TRIM10: variants seen among roughly 807,000 people sequenced by gnomAD.
TRIM10 encodes tripartite motif containing 10.
Under a neutral mutation model 40.0 loss-of-function variants are expected in TRIM10, and 42 were observed. The observed-to-expected ratio is 1.05, with a 90% CI of 0.82 to 1.36. The LOEUF is 1.36. Among genes scored for constraint, TRIM10 ranks in the 40% most tolerant of loss-of-function variants. The probability of loss-of-function intolerance (pLI) is 0.00; values close to 1 mark genes in which losing one functional copy is unlikely to be tolerated. For synonymous variants in TRIM10, 260 were observed against 239.5 expected, an observed-to-expected ratio of 1.09 and a Z score of -0.79; for missense variants, 601 against 608.3, an observed-to-expected ratio of 0.99 and a Z score of 0.13.
At chr6:30,158,652 C>T in intron 2 of TRIM10, 23 bp from the exon 3 acceptor site, 2 of 1,603,216 alleles carry the variant, frequency 1.2e-6, no homozygotes, top group Non-Finnish European at 1.7e-6. Context: ...GAGGCAAGCC[C>T]AAGAGAAAGT....
At chr6:30,163,189 C>T (rs971214890), upstream of TRIM10, 2 of 162,074 alleles carry the variant, frequency 1.2e-5, no homozygotes, top group Non-Finnish European at 2.7e-5. Context: ...AAGTCCACAC[C>T]TCTCACTCCA....
intron 2 of TRIM10, 30 bp downstream of exon 2, chr6:30,159,120 G>A: frequency 6.8e-7 from 1 of 1,469,714 alleles, no homozygotes; most frequent in Non-Finnish European, 9.5e-7. Context: ...TGAGGAAGGG[G>A]AGGAACCTGG....
Position 30,154,181 on chromosome 6 carries a change from C to T in TRIM10, c.1234G>A (p.Val412Ile), listed in dbSNP as rs777984807. ...GTGGGGAAGGAGCCCAGAGCCGAGA[C>T]GAAGCCCCAAGCCAGCCTCACAGCC... ...VWAVRLAWGF[V>I]SALGSFPTRL... is the part of the protein sequence containing the mutation. Residue 412 changes from valine to isoleucine, a missense_variant, in exon 7 of 7, where the codon GTC becomes ATC. Transcript: ENST00000449742. The T allele has an allele frequency of 7.1e-5, 114 of 1,611,798 alleles. No homozygotes were observed. Among genetic ancestry groups the T allele is most frequent in the East Asian group, 5.3e-4 (24 of 44,862 alleles).
Position 30,154,224 on chromosome 6 carries a change from C to T in TRIM10, c.1191G>A (p.Arg397=). Residue 397 remains arginine (R), a synonymous_variant, in exon 7 of 7, where the codon CGG becomes CGA. Transcript: ENST00000449742. The stretch of plus-strand genomic sequence containing the variant: ...TCACAGCCCACACCCCCTCCTCTGG[C>T]CGCAGCCGAAGCTCCCCCTTCCGCT... ...DVQRKGELRL[R]PEEGVWAVRL... 6.2e-7 allele frequency: 1 copy of T among 1,612,854 alleles called. No individual in the cohort carries two copies. Among genetic ancestry groups the T allele is most frequent in the Non-Finnish European group, 8.5e-7 (1 of 1,179,918 alleles).
upstream of TRIM10, chr6:30,163,793 C>T (rs1475698216): frequency 1.9e-6 from 3 of 1,612,860 alleles, no homozygotes; most frequent in Non-Finnish European, 2.5e-6. Flanking sequence ...CACCTTCTGC[C>T]GGCTCTGCCT....
chr6:30,153,800 T>G lies in TRIM10; in HGVS notation c.*169A>C. 6.2e-7 allele frequency: 1 copy of G among 1,613,000 alleles called. No homozygotes were observed. The highest frequency in any genetic ancestry group is 8.5e-7 in the Non-Finnish European group (1 of 1,180,004). ...GGCATTGGGGAAAGGACTTGATCAGTAGATTGAGAGTCCTCTCTTCTATCC... is the reference window on the plus strand; with the variant it reads ...GGCATTGGGGAAAGGACTTGATCAGGAGATTGAGAGTCCTCTCTTCTATCC... On this transcript the variant is annotated 3_prime_UTR_variant, in exon 7 of 7. Coordinates refer to ENST00000449742, the MANE Select transcript of TRIM10 (RefSeq NM_006778.4).
upstream of TRIM10, chr6:30,163,570 C>A (rs1307245876): frequency 2.2e-6 from 3 of 1,352,602 alleles, no homozygotes; most frequent in Non-Finnish European, 3.0e-6. Flanking sequence ...CTCTCTGTCT[C>A]TTAGCCTTGC....
In TRIM10 at chr6:30,154,085, A is replaced by G. The variant is rs1448378296; in HGVS notation, c.1330T>C (p.Phe444Leu). The G allele has an allele frequency of 6.2e-7, 1 of 1,613,020 alleles. No homozygotes were observed. The highest frequency in any genetic ancestry group is 8.5e-7 in the Non-Finnish European group (1 of 1,179,996). The change falls in exon 7 of 7, where the codon TTC (phenylalanine) becomes CTC (leucine). Residue 444 changes from phenylalanine to leucine, a missense_variant. By Grantham distance (22) the Phe-to-Leu change is conservative (BLOSUM62 0). Coordinates refer to ENST00000449742, the MANE Select transcript of TRIM10 (RefSeq NM_006778.4). ...GGCTCTCGGGTGACAGCGTTGGTGA[A>G]GGTCACCCAGCCCACCTCATAGTCA... Reference protein sequence around the residue: ...SLDYEVGWVTFTNAVTREPIY... With the variant: ...SLDYEVGWVTLTNAVTREPIY...
intron 3 of TRIM10, among the ~76,000 whole-genome samples, chr6:30,157,698 TTA>T (rs1481312099): frequency 6.7e-6 from 1 of 149,264 alleles, no homozygotes; most frequent in Non-Finnish European, 1.5e-5. Flanking sequence ...TGGGGTTTTG[TTA>T]TGTTGCCCAG....
rs758041021 is a variant in TRIM10 at position 30,155,743 on chromosome 6, C to A, written c.912G>T (p.Glu304Asp). ...MKMFLEKLCFELDYEPAHISL... is the reference protein window; with the variant it reads ...MKMFLEKLCFDLDYEPAHISL... ...GCTCCTTACCTGGCTCATAGTCCAA[C>A]TCAAAGCATAGTTTTTCTGTAAAGA... The change falls in exon 6 of 7, where the codon GAG (glutamate) becomes GAT (aspartate). Residue 304 changes from glutamate (E) to aspartate (D), a missense_variant. Physicochemically the swap from Glu to Asp is conservative, Grantham distance 45 (BLOSUM62 2). Transcript: ENST00000449742. The A allele has an allele frequency of 1.8e-5, 29 of 1,613,468 alleles. No individual in the cohort carries two copies. The highest frequency in any genetic ancestry group is 1.4e-5 in the Non-Finnish European group (16 of 1,179,906).
chr6:30,160,344 C>T, intron 1 of TRIM10, 86 bp downstream of exon 1: 1 of 1,465,746 alleles, frequency 6.8e-7, no homozygotes, highest in Non-Finnish European at 9.2e-7. Flanking sequence ...AATTTGGCCT[C>T]CGGGTGGCCT....
chr6:30,159,774 A>G (rs147487937), intron 1 of TRIM10, among the ~76,000 whole-genome samples: 79 of 152,010 alleles, frequency 5.2e-4, no homozygotes, highest in Middle Eastern at 3.4e-3. Flanking sequence ...AGGAACAGGT[A>G]CACACACGAT....
At position 30,160,937 on chromosome 6, in the gene TRIM10, A is replaced by T; in HGVS notation, c.-79T>A. On this transcript the variant is annotated 5_prime_UTR_variant, in exon 1 of 7. It introduces an in-frame stop codon into an upstream open reading frame of the 5' UTR. Coordinates refer to ENST00000449742, the MANE Select transcript of TRIM10 (RefSeq NM_006778.4). The stretch of plus-strand genomic sequence containing the variant: ...GGGAAGGGCTGGGTCACACACTCAC[A>T]CACCCACACATGCACATGGCTGGAC... 1 of 1,374,128 alleles carries T rather than the reference A, an allele frequency of 7.3e-7. No homozygotes were observed. The highest frequency in any genetic ancestry group is 1.4e-5 in the African/African-American group (1 of 69,396). The allele number at this position is 1,374,128 out of a possible 1,614,324, so 85.1% of individuals were successfully genotyped here.
chr6:30,155,955 A>C (rs1772492130), intron 5 of TRIM10, among the ~76,000 whole-genome samples, 196 bp from the exon 6 acceptor site: 1 of 152,186 alleles, frequency 6.6e-6, no homozygotes, highest in South Asian at 2.1e-4. Context: ...TTTCAGATTC[A>C]GGTGCTCTGG....
Position 30,152,038 on chromosome 6 carries a change from T to C in TRIM10, c.*1931A>G, listed in dbSNP as rs941801651. On this transcript the variant is annotated 3_prime_UTR_variant, in exon 7 of 7. Transcript: ENST00000449742. ...TTAAAAGAAAAATAAAATAAAACAA[T>C]TTAAAAAGAAGAAATATAAATTGTA... 1 of 152,214 alleles carries C rather than the reference T, an allele frequency of 6.6e-6. No homozygotes were observed. Among genetic ancestry groups the C allele is most frequent in the African/African-American group, 2.4e-5 (1 of 41,448 alleles). 9.4% of individuals were successfully genotyped at this position (152,214 alleles called of 1,614,324 possible). A position where few individuals can be genotyped will look rare whatever the true frequency, so the allele number is the denominator to read the frequency against.
chr6:30,157,134 G>C, intron 4 of TRIM10, 80 bp from the exon 5 acceptor site: 2 of 1,384,172 alleles, frequency 1.4e-6, no homozygotes, highest in Non-Finnish European at 2.0e-6. Context: ...TCTTCTAATA[G>C]GGCATGATGG....
upstream of TRIM10, among the ~76,000 whole-genome samples, chr6:30,162,898 A>C (rs1029495663): frequency 3.3e-5 from 5 of 151,886 alleles, no homozygotes; most frequent in African/African-American, 1.2e-4. Context: ...AATCATTTGC[A>C]TTATGGTTTC....
rs1350887065 is a variant in TRIM10 at position 30,153,754 on chromosome 6, A to G, written c.*215T>C. ...AGAACTGGCAGCAGCCTGAGTCCCC[A>G]GGTACCCTGGCCATCCACTGGGCAT... On this transcript the variant is annotated 3_prime_UTR_variant, in exon 7 of 7. Transcript: ENST00000449742. 1 of 1,613,056 alleles carries G rather than the reference A, an allele frequency of 6.2e-7. No homozygotes were observed. Among genetic ancestry groups the G allele is most frequent in the Non-Finnish European group, 8.5e-7 (1 of 1,180,032 alleles).
chr6:30,161,726 G>T (rs1391663216), upstream of TRIM10, among the ~76,000 whole-genome samples: 1 of 152,216 alleles, frequency 6.6e-6, no homozygotes, highest in African/African-American at 2.4e-5. Flanking sequence ...GTAAGAAGGT[G>T]AGTGACCATA....
Sources: allele counts gnomAD v4.1 joint callset (sites outside exome capture counted in the v4.1 genomes callset), GRCh38; gene constraint gnomAD v4.1.1; transcripts MANE v1.5; gene names NCBI Gene and HGNC (gene_info 2026-07-23, HGNC 2026-07-21).